MAGI2: variants seen among roughly 807,000 people sequenced by gnomAD.
MAGI2 encodes membrane associated guanylate kinase, WW and PDZ domain containing 2.
In MAGI2, 35 loss-of-function variants were observed where a neutral mutation model predicts 133.3. The observed-to-expected ratio is 0.26, with a 90% CI of 0.20 to 0.35. The LOEUF (loss-of-function observed/expected upper bound fraction) is 0.35. Among genes scored for constraint, MAGI2 ranks in the 10% least tolerant of loss-of-function variants. The pLI is 1.00. For missense variants in MAGI2, 1,636 were observed against 1,863.4 expected (o/e 0.88, Z 2.25); for synonymous variants, 729 against 710.6 (o/e 1.03, Z -0.41).
At chr7:78,785,019 C>A (rs542099142) in intron 2 of MAGI2, among the ~76,000 whole-genome samples, 3 of 152,094 alleles carry the variant, frequency 2.0e-5, no homozygotes, top group African/African-American at 7.2e-5. Context: ...TTTCTTCATG[C>A]GTATATGTGA....
chr7:79,334,540 G>T (rs1840301168), intron 1 of MAGI2, among the ~76,000 whole-genome samples: 1 of 152,032 alleles, frequency 6.6e-6, no homozygotes, highest in South Asian at 2.1e-4. Context: ...TTTGAATATT[G>T]CCCTGAGTCA....
intron 1 of MAGI2, among the ~76,000 whole-genome samples, chr7:79,017,287 C>T (rs1416191569): frequency 6.6e-6 from 1 of 152,140 alleles, no homozygotes; most frequent in Non-Finnish European, 1.5e-5. Flanking sequence ...CATACTGGCC[C>T]CCTAGAGTTA....
At chr7:78,301,946 C>A (rs1159596348) in intron 9 of MAGI2, among the ~76,000 whole-genome samples, 1 of 152,102 alleles carries the variant, frequency 6.6e-6, no homozygotes, top group Non-Finnish European at 1.5e-5. Context: ...TAACAGCATG[C>A]CTATTGAAAG....
chr7:78,774,509 T>C (rs1825831439), intron 2 of MAGI2, among the ~76,000 whole-genome samples: 1 of 152,198 alleles, frequency 6.6e-6, no homozygotes, highest in African/African-American at 2.4e-5. Flanking sequence ...TCTCTTATCC[T>C]GAACCAGCTT....
intron 6 of MAGI2, among the ~76,000 whole-genome samples, chr7:78,469,019 T>C (rs1790924372): frequency 6.6e-6 from 1 of 152,198 alleles, no homozygotes; most frequent in African/African-American, 2.4e-5. Context: ...AAGTCAATGT[T>C]AAATAAACAA....
intron 21 of MAGI2, among the ~76,000 whole-genome samples, chr7:78,066,440 C>T (rs1813832057): frequency 1.4e-5 from 2 of 147,136 alleles, no homozygotes; most frequent in Admixed American, 1.4e-4. Flanking sequence ...CCAGCCTGGG[C>T]ATCAGAATGA....
chr7:78,641,648 T>C (rs1810324944), intron 2 of MAGI2, among the ~76,000 whole-genome samples: 1 of 143,348 alleles, frequency 7.0e-6, no homozygotes, highest in South Asian at 2.2e-4. Context: ...AATATGACCA[T>C]TTCTGTTGGT....
chr7:78,775,127 C>T lies in MAGI2; in HGVS notation c.419-147888G>A, dbSNP rs150128341. On this transcript the variant is annotated intron_variant, in intron 2 of 21. Coordinates refer to ENST00000354212, the MANE Select transcript of MAGI2 (RefSeq NM_012301.4). The stretch of plus-strand genomic sequence containing the variant: ...AGGAGATCGAGACCATCCTGACTAT[C>T]ACAGTGAAACCCCATCTCTACCAAA... 3.5e-3 allele frequency among the ~76,000 whole-genome samples: 526 copies of T among 151,484 alleles called. 4 individuals are homozygous for T. Among genetic ancestry groups the T allele is most frequent in the African/African-American group, 0.012 (479 of 41,286 alleles).
chr7:78,942,975 A>T (rs1055218060), intron 2 of MAGI2, among the ~76,000 whole-genome samples: 1 of 152,028 alleles, frequency 6.6e-6, no homozygotes, highest in Non-Finnish European at 1.5e-5. Flanking sequence ...CTATTGTGCC[A>T]TTTCCTCAAT....
At chr7:78,988,555 T>TTATTTAA (rs975910482) in intron 2 of MAGI2, among the ~76,000 whole-genome samples, 1 of 152,132 alleles carries the variant, frequency 6.6e-6, no homozygotes, top group Non-Finnish European at 1.5e-5. Context: ...AACCCATTAA[T>TTATTTAA]TAAAGCCCTG....
rs181429781 is a variant in MAGI2, at chr7:78,514,511, T to G, written c.754+6919A>C. ...GAAATTTTCCCATTCAATGGAGAGA[T>G]AAAACCCAGTACTCTGGGAACAAGA... On this transcript the variant is annotated intron_variant, in intron 4 of 21. Transcript: ENST00000354212. 3.7e-3 allele frequency among the ~76,000 whole-genome samples: 563 copies of G among 152,248 alleles called. 2 individuals carry two copies. Among genetic ancestry groups the G allele is most frequent in the African/African-American group, 0.013 (529 of 41,544 alleles).
At chr7:79,266,171 T>G (rs1285912866) in intron 1 of MAGI2, among the ~76,000 whole-genome samples, 2 of 152,002 alleles carry the variant, frequency 1.3e-5, no homozygotes, top group Non-Finnish European at 2.9e-5. Flanking sequence ...GCCAGGATCC[T>G]GACCCCATAT....
intron 1 of MAGI2, among the ~76,000 whole-genome samples, chr7:79,075,490 G>A (rs963687801): frequency 4.6e-5 from 7 of 152,124 alleles, no homozygotes; most frequent in African/African-American, 7.2e-5. Context: ...GCTGGGAGTG[G>A]TGGCTCACAT....
chr7:78,881,114 G>A (rs536524), intron 2 of MAGI2, among the ~76,000 whole-genome samples: 92,836 of 151,946 alleles, frequency 0.61, 29,671 homozygotes, highest in Middle Eastern at 0.75. Context: ...CAACCACACA[G>A]TAATAGTGGG....
intron 1 of MAGI2, among the ~76,000 whole-genome samples, chr7:79,259,353 A>G (rs1333310542): frequency 6.6e-6 from 1 of 152,224 alleles, no homozygotes; most frequent in Non-Finnish European, 1.5e-5. Context: ...AGAGGCAATC[A>G]GCCACAAATC....
rs75920320 is a variant in MAGI2, at chr7:78,558,005, G to T, written c.539-36360C>A. ...TTTTTTTTAAAAAATAGTTGATTGT[G>T]TATGTGACTAAATTCTCCTACTTAA... On this transcript the variant is annotated intron_variant, in intron 3 of 21. Transcript: ENST00000354212. 8.1e-4 allele frequency among the ~76,000 whole-genome samples: 123 copies of T among 151,410 alleles called. 4 individuals are homozygous for T. In the East Asian group the frequency reaches 0.019, roughly 24 times the overall value.
intron 4 of MAGI2, among the ~76,000 whole-genome samples, chr7:78,515,186 A>C (rs1795935452): frequency 6.6e-6 from 1 of 152,184 alleles, no homozygotes; most frequent in African/African-American, 2.4e-5. Flanking sequence ...AGCTTAACCT[A>C]ATTACTCTGG....
intron 6 of MAGI2, among the ~76,000 whole-genome samples, chr7:78,390,476 G>A (rs974879697): frequency 1.3e-5 from 2 of 152,126 alleles, no homozygotes; most frequent in Non-Finnish European, 2.9e-5. Context: ...ATTTTTCTGT[G>A]TAAAGGGGTC....
intron 1 of MAGI2, among the ~76,000 whole-genome samples, chr7:79,418,231 T>C (rs1846681949): frequency 6.6e-6 from 1 of 152,084 alleles, no homozygotes; most frequent in Non-Finnish European, 1.5e-5. Context: ...AGCAACTTTA[T>C]GTAGGTTAGA....
Sources: gnomAD v4.1 joint callset for allele counts (sites outside exome capture counted in the v4.1 genomes callset) on GRCh38, gnomAD v4.1.1 for gene constraint, MANE v1.5 for transcripts, NCBI Gene and HGNC (gene_info 2026-07-23, HGNC 2026-07-21) for gene names.